The following NDUFV2 variants were observed in gnomAD, a reference collection of about 807,000 sequenced individuals.
The protein encoded by NDUFV2 is NADH:ubiquinone oxidoreductase core subunit V2.
Under a neutral mutation model 31.6 loss-of-function variants are expected in NDUFV2, and 18 were observed. The observed-to-expected ratio is 0.57, with a 90% CI of 0.39 to 0.84. NDUFV2 has a LOEUF of 0.84. Among genes scored for constraint, NDUFV2 ranks in the 40% least tolerant of loss-of-function variants. NDUFV2 has a pLI of 0.00. For missense variants in NDUFV2, 314 were observed against 303.6 expected (o/e 1.03, Z -0.26); for synonymous variants, 83 against 99.8 (o/e 0.83, Z 1.01).
intron 1 of NDUFV2, among the ~76,000 whole-genome samples, chr18:9,113,037 C>G (rs2077879697): frequency 6.7e-6 from 1 of 149,716 alleles, no homozygotes; most frequent in Non-Finnish European, 1.5e-5. Flanking sequence ...CATAAATACT[C>G]TACATATGGA....
Position 9,130,852 on chromosome 18 carries a change from T to G in NDUFV2, c.657-3334T>G, listed in dbSNP as rs2078033933. ...ACCCTGGCCAAAATTAGTAAAAGAC[T>G]GATGTCTATATGTGGTTCAAAACTG... On this transcript the variant is annotated intron_variant, in intron 7 of 7. Coordinates refer to ENST00000318388, the MANE Select transcript of NDUFV2 (RefSeq NM_021074.5). Among the ~76,000 whole-genome samples, 6 of 152,180 alleles carry G rather than the reference T, an allele frequency of 3.9e-5. No individual in the cohort carries two copies. The South Asian group carries it at 1.2e-3, about 31-fold the overall frequency.
Position 9,134,228 on chromosome 18 carries a change from T to A in NDUFV2, c.699T>A (p.Ser233=). 1.2e-6 allele frequency: 2 copies of A among 1,613,334 alleles called. No individual in the cohort carries two copies. Among genetic ancestry groups the A allele is most frequent in the Non-Finnish European group, 1.7e-6 (2 of 1,179,922 alleles). ...GTGAGCCAGCTGGAGGTCTTACCTC[T>A]TTGACTGAACCACCCAAGGGACCTG... The part of the protein sequence containing the change: ...FSCEPAGGLT[S]LTEPPKGPGF... Residue 233 remains serine, a synonymous_variant, in exon 8 of 8, where the codon TCT becomes TCA. Coordinates refer to ENST00000318388, the MANE Select transcript of NDUFV2 (RefSeq NM_021074.5).
At chr18:9,111,977 G>T (rs930155559) in intron 1 of NDUFV2, among the ~76,000 whole-genome samples, 4 of 150,382 alleles carry the variant, frequency 2.7e-5, no homozygotes, top group Non-Finnish European at 5.9e-5. Flanking sequence ...GAACGTGTTT[G>T]GTGTTGGTCA....
At chr18:9,104,933 A>C in intron 1 of NDUFV2, 1 of 1,540,084 alleles carries the variant, frequency 6.5e-7, no homozygotes, top group South Asian at 1.2e-5. Context: ...TTTGATGTCT[A>C]CACATAACAG....
intron 1 of NDUFV2, among the ~76,000 whole-genome samples, chr18:9,111,313 A>T (rs1484186195): frequency 6.6e-6 from 1 of 152,240 alleles, no homozygotes; most frequent in East Asian, 1.9e-4. Flanking sequence ...AATAATGTGT[A>T]AAAAGCTTAG....
chr18:9,125,092 A>T, intron 6 of NDUFV2, 109 bp downstream of exon 6: 4 of 1,185,738 alleles, frequency 3.4e-6, no homozygotes, highest in Non-Finnish European at 4.7e-6. Context: ...ACTCATTTAG[A>T]AGAAATGGTT....
At chr18:9,115,577 C>T (rs1450359561) in intron 1 of NDUFV2, 3 of 152,140 alleles carry the variant, frequency 2.0e-5, no homozygotes, top group Non-Finnish European at 1.5e-5. Flanking sequence ...ACACTTGGGG[C>T]CAGGCGCAGT....
At chr18:9,126,713 T>G (rs1023990317) in intron 6 of NDUFV2, 118 bp from the exon 7 acceptor site, 2 of 856,130 alleles carry the variant, frequency 2.3e-6, no homozygotes, top group Non-Finnish European at 3.9e-6. Context: ...GGTAGGAGGA[T>G]TGCTTAAGCC....
At position 9,102,702 on chromosome 18, in the gene NDUFV2, C is replaced by T. The variant is rs779074938; in HGVS notation, c.-42C>T. On this transcript the variant is annotated 5_prime_UTR_variant, in exon 1 of 8. Coordinates refer to ENST00000318388, the MANE Select transcript of NDUFV2 (RefSeq NM_021074.5). ...GTGCGCCCTGGGCGCGCTCGGGATT[C>T]TCGCCTGGCGCGGCTGGGGAAGGTG... The T allele has an allele frequency of 3.4e-5, 53 of 1,563,464 alleles. No homozygotes were observed. The highest frequency in any genetic ancestry group is 2.0e-4 in the Middle Eastern group (1 of 4,902).
chr18:9,122,353 T>C (rs1377747358), intron 4 of NDUFV2, among the ~76,000 whole-genome samples, 160 bp from the exon 5 acceptor site: 1 of 152,242 alleles, frequency 6.6e-6, no homozygotes, highest in Non-Finnish European at 1.5e-5. Context: ...GAAGAGTTTA[T>C]ATCTCCCAGT....
chr18:9,117,837 G>A lies in NDUFV2; in HGVS notation c.55-1G>A. On this transcript the variant is annotated splice_acceptor_variant, in intron 1 of 7. Transcript: ENST00000318388. LOFTEE classifies it high-confidence loss of function. ...AACTTTCTTAAAATTTTAAATTTTAGGGAAGACATGTAAGGAATTTGCATA... is the reference window on the plus strand; with the variant it reads ...AACTTTCTTAAAATTTTAAATTTTAAGGAAGACATGTAAGGAATTTGCATA... The A allele has an allele frequency of 6.3e-7, 1 of 1,581,428 alleles. No individual in the cohort carries two copies. The highest frequency in any genetic ancestry group is 8.7e-7 in the Non-Finnish European group (1 of 1,151,548).
chr18:9,119,820 G>T (rs1052439868), intron 4 of NDUFV2, among the ~76,000 whole-genome samples: 1 of 151,670 alleles, frequency 6.6e-6, no homozygotes, highest in Non-Finnish European at 1.5e-5. Context: ...GTGAAAGAGG[G>T]TATGTGTTTT....
At chr18:9,126,072 G>A (rs920289531) in intron 6 of NDUFV2, among the ~76,000 whole-genome samples, 5 of 152,120 alleles carry the variant, frequency 3.3e-5, no homozygotes, top group Admixed American at 1.3e-4. Flanking sequence ...AGAATTTGGC[G>A]TCTGGGTACT....
intron 7 of NDUFV2, among the ~76,000 whole-genome samples, chr18:9,127,221 C>A (rs1364919819): frequency 2.0e-5 from 3 of 152,100 alleles, no homozygotes; most frequent in Non-Finnish European, 4.4e-5. Flanking sequence ...CCTAAAAATC[C>A]AATTCTGCCC....
chr18:9,120,040 T>C (rs2077923577), intron 4 of NDUFV2, among the ~76,000 whole-genome samples: 1 of 152,210 alleles, frequency 6.6e-6, no homozygotes, highest in African/African-American at 2.4e-5. Flanking sequence ...TTATACAATT[T>C]GATTATGCTA....
At chr18:9,124,197 T>G (rs2077966172) in intron 5 of NDUFV2, among the ~76,000 whole-genome samples, 1 of 151,412 alleles carries the variant, frequency 6.6e-6, no homozygotes, top group South Asian at 2.1e-4. Flanking sequence ...TTTTTTTGTT[T>G]TTTTTTTTTG....
intron 5 of NDUFV2, among the ~76,000 whole-genome samples, chr18:9,124,194 G>GTT (rs754313896): frequency 6.7e-5 from 9 of 133,622 alleles, no homozygotes; most frequent in African/African-American, 1.1e-4. Context: ...TTTTTTTTTT[G>GTT]TTTTTTTTTT....
intron 7 of NDUFV2, among the ~76,000 whole-genome samples, chr18:9,128,187 T>C (rs1031187740): frequency 1.3e-5 from 2 of 152,234 alleles, no homozygotes; most frequent in Non-Finnish European, 2.9e-5. Context: ...CATACGGTAT[T>C]CTAATGTTTT....
chr18:9,119,703 C>T, intron 4 of NDUFV2, 113 bp downstream of exon 4: 1 of 897,724 alleles, frequency 1.1e-6, no homozygotes, highest in Non-Finnish European at 1.8e-6. Flanking sequence ...GATTTTGGAG[C>T]CCTTTAGCCA....
Sources: allele counts gnomAD v4.1 joint callset (sites outside exome capture counted in the v4.1 genomes callset), GRCh38; gene constraint gnomAD v4.1.1; transcripts MANE v1.5; gene names NCBI Gene and HGNC (gene_info 2026-07-23, HGNC 2026-07-21).